The following NELL2 variants were observed in gnomAD, a reference collection of about 807,000 sequenced individuals.
NELL2 encodes the protein neural EGFL like 2.
NELL2 carries 41 observed loss-of-function variants against 109.6 expected under a neutral mutation model. The ratio of observed to expected loss-of-function variants is 0.37; its 90% CI spans 0.29 to 0.49. NELL2 has a LOEUF of 0.49. NELL2 is among the 20% of genes least tolerant of loss of function. The pLI is 0.98. For missense variants in NELL2, 900 were observed against 1,008.3 expected (o/e 0.89, Z 1.45); for synonymous variants, 355 against 344.7 (o/e 1.03, Z -0.33).
Position 44,756,071 on chromosome 12 carries a change from GA to G in NELL2, c.994+18675del, listed in dbSNP as rs201439741. Among the ~76,000 whole-genome samples the G allele has an allele frequency of 6.8e-4, 104 of 152,186 alleles. 3 individuals are homozygous for G. In the East Asian group the frequency reaches 0.018, roughly 26 times the overall value. On this transcript the variant is annotated intron_variant, in intron 9 of 19. Transcript: ENST00000429094. ...AATTCACCTTAGATCTCACTTCACA[GA>G]AAAAACAAAAGCTGTCAGACATGGA...
chr12:44,691,246 C>T (rs1239300996), intron 12 of NELL2, among the ~76,000 whole-genome samples: 1 of 152,268 alleles, frequency 6.6e-6, no homozygotes, highest in Non-Finnish European at 1.5e-5. Context: ...TTTCATGTCT[C>T]CATGTCACGT....
chr12:44,621,957 C>T (rs575440420), intron 13 of NELL2, among the ~76,000 whole-genome samples: 9 of 152,106 alleles, frequency 5.9e-5, no homozygotes, highest in African/African-American at 2.2e-4. Context: ...GCTGTCCTCA[C>T]GCTGTCAGGG....
chr12:44,520,100 T>C lies in NELL2; in HGVS notation c.2305A>G (p.Ile769Val), dbSNP rs755328900. The C allele has an allele frequency of 5.0e-6, 8 of 1,614,034 alleles. No homozygotes were observed. The highest frequency in any genetic ancestry group is 6.8e-6 in the Non-Finnish European group (8 of 1,180,042). Reference protein sequence around the residue: ...PCQADTIRNDITKTCLDEMNV... With the variant: ...PCQADTIRNDVTKTCLDEMNV... ...ATTTCGTCCAGGCAAGTCTTGGTGA[T>C]GTCATTGCGGATGGTGTCAGCCTGG... The change falls in exon 19 of 20, where the codon ATC becomes GTC. Residue 769 changes from isoleucine (I) to valine (V), a missense_variant. Coordinates refer to ENST00000429094, the MANE Select transcript of NELL2 (RefSeq NM_001145108.2).
At chr12:44,777,612 C>T (rs17654340) in intron 5 of NELL2, among the ~76,000 whole-genome samples, 3,425 of 152,186 alleles carry the variant, frequency 0.023, 45 homozygotes, top group Middle Eastern at 0.037. Context: ...TTTAGTTAGC[C>T]ACTGACGGGC....
intron 3 of NELL2, among the ~76,000 whole-genome samples, chr12:44,805,946 A>G (rs897000523): frequency 3.3e-5 from 5 of 151,864 alleles, no homozygotes; most frequent in Admixed American, 1.3e-4. Flanking sequence ...ATAAGGGACC[A>G]CAAATTTCTC....
chr12:44,581,718 C>T (rs1416665754), intron 15 of NELL2, among the ~76,000 whole-genome samples: 1 of 151,934 alleles, frequency 6.6e-6, no homozygotes, highest in Non-Finnish European at 1.5e-5. Context: ...GCCATTTTCC[C>T]CTTGAGGGAT....
Position 44,782,457 on chromosome 12 carries a change from A to G in NELL2, c.336-2435T>C, listed in dbSNP as rs1431282127. Among the ~76,000 whole-genome samples the G allele has an allele frequency of 2.0e-5, 3 of 152,026 alleles. No individual in the cohort carries two copies. The East Asian group carries it at 5.8e-4, about 29-fold the overall frequency. On this transcript the variant is annotated intron_variant, in intron 3 of 19. Coordinates refer to ENST00000429094, the MANE Select transcript of NELL2 (RefSeq NM_001145108.2). ...ATGCATCAATTAAAAGAAAGAGATT[A>G]GCAGAAGGGATTAAAAACCATGACC...
At chr12:44,749,585 G>A (rs1940552655) in intron 9 of NELL2, among the ~76,000 whole-genome samples, 1 of 152,046 alleles carries the variant, frequency 6.6e-6, no homozygotes, top group South Asian at 2.1e-4. Flanking sequence ...CACCTCCTTA[G>A]AAGAGAGACT....
At chr12:44,598,619 A>C (rs541900298) in intron 15 of NELL2, among the ~76,000 whole-genome samples, 1 of 152,166 alleles carries the variant, frequency 6.6e-6, no homozygotes, top group Non-Finnish European at 1.5e-5. Flanking sequence ...TGAGACCTGC[A>C]TAACCTGAAA....
chr12:44,825,544 T>C (rs1448245466), intron 2 of NELL2, among the ~76,000 whole-genome samples: 2 of 150,450 alleles, frequency 1.3e-5, no homozygotes, highest in East Asian at 4.0e-4. Flanking sequence ...TACAGGTGCG[T>C]GCCACCATGC....
upstream of NELL2, chr12:44,876,442 C>A (rs984882072): frequency 7.7e-7 from 1 of 1,292,246 alleles, no homozygotes; most frequent in Non-Finnish European, 9.8e-7. Flanking sequence ...GTCGGTCTCC[C>A]GCACGGTCTC....
At chr12:44,625,985 A>G (rs1351672297) in intron 13 of NELL2, among the ~76,000 whole-genome samples, 1 of 152,150 alleles carries the variant, frequency 6.6e-6, no homozygotes, top group East Asian at 1.9e-4. Flanking sequence ...AAATCAAAGT[A>G]TATCAGAAGA....
intron 19 of NELL2, among the ~76,000 whole-genome samples, chr12:44,517,402 T>A (rs1941324729): frequency 6.7e-6 from 1 of 149,880 alleles, no homozygotes; most frequent in Admixed American, 6.7e-5. Context: ...TCTCTCTCTC[T>A]CTCTCTCTCT....
At chr12:44,633,290 A>T (rs1452337872) in intron 13 of NELL2, among the ~76,000 whole-genome samples, 1 of 152,088 alleles carries the variant, frequency 6.6e-6, no homozygotes, top group East Asian at 1.9e-4. Flanking sequence ...GCCAGTTTAC[A>T]AGAGGCAAAT....
intron 12 of NELL2, among the ~76,000 whole-genome samples, chr12:44,691,941 A>G (rs1341003555): frequency 6.6e-6 from 1 of 152,204 alleles, no homozygotes; most frequent in Non-Finnish European, 1.5e-5. Flanking sequence ...TGGAAGGTGA[A>G]CCAGCAAGCG....
At chr12:44,545,881 C>T (rs912913028) in intron 15 of NELL2, among the ~76,000 whole-genome samples, 3 of 152,020 alleles carry the variant, frequency 2.0e-5, no homozygotes, top group African/African-American at 7.2e-5. Flanking sequence ...GAGCCATTTT[C>T]TAATAGCAAA....
chr12:44,878,129 A>G (rs1263768379), upstream of NELL2, among the ~76,000 whole-genome samples: 1 of 152,168 alleles, frequency 6.6e-6, no homozygotes, highest in Non-Finnish European at 1.5e-5. Flanking sequence ...TGTTCAACCA[A>G]CTCATGAAAG....
chr12:44,807,175 C>T (rs1369419021), intron 3 of NELL2, among the ~76,000 whole-genome samples: 2 of 151,494 alleles, frequency 1.3e-5, no homozygotes, highest in East Asian at 1.9e-4. Context: ...TGCAAAAATC[C>T]TCTTAAAGAA....
chr12:44,915,555 A>G (rs1456138993), upstream of NELL2, among the ~76,000 whole-genome samples: 1 of 152,214 alleles, frequency 6.6e-6, no homozygotes, highest in Non-Finnish European at 1.5e-5. Flanking sequence ...ATCTTCTGTG[A>G]CCATTTAATT....
Sources: gnomAD v4.1 joint callset for allele counts (sites outside exome capture counted in the v4.1 genomes callset) on GRCh38, gnomAD v4.1.1 for gene constraint, MANE v1.5 for transcripts, NCBI Gene and HGNC (gene_info 2026-07-23, HGNC 2026-07-21) for gene names.